The following PTPRN2 variants were observed in gnomAD, a reference collection of about 807,000 sequenced individuals.
PTPRN2 encodes receptor-type tyrosine-protein phosphatase N2.
A neutral mutation model predicts 118.8 loss-of-function variants in PTPRN2; 74 were observed. That is an observed-to-expected ratio of 0.62 (90% CI 0.52 to 0.76). The LOEUF is 0.76. PTPRN2 is among the 30% of genes least tolerant of loss of function. The pLI is 0.00. For synonymous variants in PTPRN2, 641 were observed against 608.0 expected (o/e 1.05, Z -0.80); for missense variants, 1,481 against 1,394.4 (o/e 1.06, Z -0.99).
At chr7:158,108,123 C>A (rs1815834945) in intron 10 of PTPRN2, among the ~76,000 whole-genome samples, 1 of 152,048 alleles carries the variant, frequency 6.6e-6, no homozygotes, top group South Asian at 2.1e-4. Flanking sequence ...ACCACCTGCC[C>A]ACTGCAGCCC....
chr7:157,912,392 G>C (rs1171339026), intron 11 of PTPRN2, among the ~76,000 whole-genome samples: 3 of 152,148 alleles, frequency 2.0e-5, no homozygotes, highest in Non-Finnish European at 4.4e-5. Flanking sequence ...CTTTGTAGAA[G>C]TTCTTCAAAC....
intron 3 of PTPRN2, among the ~76,000 whole-genome samples, chr7:158,227,347 C>T (rs1373028142): frequency 1.1e-4 from 16 of 152,150 alleles, no homozygotes; most frequent in African/African-American, 3.9e-4. Flanking sequence ...TCATTTCAAA[C>T]GCGGTAATAC....
At chr7:157,841,750 G>A (rs1377302331) in intron 12 of PTPRN2, among the ~76,000 whole-genome samples, 1 of 152,208 alleles carries the variant, frequency 6.6e-6, no homozygotes, top group Admixed American at 6.5e-5. Context: ...GGTTGCTTGA[G>A]AAACACTACT....
In PTPRN2 at chr7:158,329,951, C is replaced by T. The variant is rs188014697; in HGVS notation, c.164-13019G>A. ...TATTCTGCAACCAACTCACAAAATC[C>T]TCAGGTCTTGTATGGCGACTCTCAC... On this transcript the variant is annotated intron_variant, in intron 2 of 22. Transcript: ENST00000389418. Among the ~76,000 whole-genome samples, 149 of 152,140 alleles carry T rather than the reference C, an allele frequency of 9.8e-4. 1 individual carries two copies. The highest frequency in any genetic ancestry group is 3.3e-3 in the African/African-American group (137 of 41,468).
At chr7:157,567,435 C>T (rs1318134886) in intron 21 of PTPRN2, among the ~76,000 whole-genome samples, 1 of 152,100 alleles carries the variant, frequency 6.6e-6, no homozygotes, top group Admixed American at 6.5e-5. Flanking sequence ...GGCTGGGCTG[C>T]AGCCCTCCCC....
At chr7:158,580,919 C>G (rs1334072109) in intron 1 of PTPRN2, among the ~76,000 whole-genome samples, 1 of 152,144 alleles carries the variant, frequency 6.6e-6, no homozygotes, top group Non-Finnish European at 1.5e-5. Context: ...ATCAAAATTC[C>G]CTCAGAAGGC....
At chr7:157,842,571 T>G (rs187198507) in intron 12 of PTPRN2, among the ~76,000 whole-genome samples, 1 of 152,008 alleles carries the variant, frequency 6.6e-6, no homozygotes, top group Non-Finnish European at 1.5e-5. Flanking sequence ...GGCACCACCA[T>G]GCCCAGCTAA....
chr7:157,735,485 A>G (rs557891576), intron 12 of PTPRN2, among the ~76,000 whole-genome samples: 1 of 152,330 alleles, frequency 6.6e-6, no homozygotes, highest in East Asian at 1.9e-4. Flanking sequence ...AGGAAGGTGG[A>G]GGGCTGCTGA....
chr7:158,338,416 C>G (rs1586362570), intron 2 of PTPRN2, among the ~76,000 whole-genome samples: 1 of 21,038 alleles, frequency 4.8e-5, no homozygotes, highest in African/African-American at 2.0e-4. Flanking sequence ...ACCATAAGAG[C>G]TGAGGCCCAC....
At chr7:157,810,677 C>T (rs116546176) in intron 12 of PTPRN2, among the ~76,000 whole-genome samples, 10,217 of 106,930 alleles carry the variant, frequency 0.096, 589 homozygotes, top group Middle Eastern at 0.18. Flanking sequence ...GGGCTCTTCA[C>T]GGGGACGGCG....
At chr7:157,656,644 C>T in intron 13 of PTPRN2, 93 bp from the exon 14 acceptor site, 1 of 1,247,856 alleles carries the variant, frequency 8.0e-7, no homozygotes, top group Admixed American at 2.2e-5. Context: ...ACAACCCCTT[C>T]TCCTGCTAAG....
chr7:157,805,903 A>C (rs1182415680), intron 12 of PTPRN2, among the ~76,000 whole-genome samples: 1 of 152,160 alleles, frequency 6.6e-6, no homozygotes, highest in Non-Finnish European at 1.5e-5. Flanking sequence ...GTTCTGCGTT[A>C]GCGATGGGGT....
chr7:158,155,784 C>CCATCATCAACACCAT (rs71198572), intron 6 of PTPRN2, among the ~76,000 whole-genome samples: 91,852 of 148,300 alleles, frequency 0.62, 29,142 homozygotes, highest in East Asian at 0.78. Flanking sequence ...ACTATCATTA[C>CCATCATCAACACCAT]CATCATCAAC....
chr7:157,989,449 A>G (rs1804073709), intron 11 of PTPRN2, among the ~76,000 whole-genome samples: 1 of 152,136 alleles, frequency 6.6e-6, no homozygotes, highest in Admixed American at 6.5e-5. Context: ...GAAAAAGAAA[A>G]GAAAGAAAGA....
intron 3 of PTPRN2, among the ~76,000 whole-genome samples, chr7:158,282,825 C>T (rs1799518853): frequency 1.3e-5 from 2 of 151,058 alleles, no homozygotes; most frequent in South Asian, 4.2e-4. Flanking sequence ...CCCACACACA[C>T]AGCAGCCGGA....
At chr7:157,581,300 CCCAGTTTTACATACTTCTTCT>C in intron 17 of PTPRN2, among the ~76,000 whole-genome samples, 2 of 152,360 alleles carry the variant, frequency 1.3e-5, no homozygotes, top group East Asian at 3.9e-4. Context: ...ACTGATACTC[CCCAGTTTTACATACTTCTTCT>C]CCAGTGCAGC....
intron 11 of PTPRN2, among the ~76,000 whole-genome samples, chr7:157,961,188 C>G (rs895524853): frequency 2.0e-5 from 3 of 152,122 alleles, no homozygotes; most frequent in African/African-American, 7.2e-5. Flanking sequence ...TTTCTTTCCT[C>G]TTTTGATTTT....
intron 21 of PTPRN2, 58 bp downstream of exon 21, chr7:157,568,828 ACGGCACCCTACGTTGC>A (rs1485919289): frequency 4.8e-6 from 7 of 1,463,254 alleles, no homozygotes; most frequent in Non-Finnish European, 6.7e-6. Context: ...TCCCGTGAAC[ACGGCACCCTACGTTGC>A]CATAGCGACG....
chr7:158,040,422 A>G (rs1301659313), intron 11 of PTPRN2, among the ~76,000 whole-genome samples: 1 of 151,754 alleles, frequency 6.6e-6, no homozygotes, highest in Non-Finnish European at 1.5e-5. Flanking sequence ...ACACAAACAC[A>G]CTGCACATGC....
Sources: gnomAD v4.1 joint callset for allele counts (sites outside exome capture counted in the v4.1 genomes callset) on GRCh38, gnomAD v4.1.1 for gene constraint, MANE v1.5 for transcripts, NCBI Gene and HGNC (gene_info 2026-07-23, HGNC 2026-07-21) for gene names.